Variants in TTN observed in about 807,000 individuals in gnomAD.
The protein encoded by TTN is connectin.
Under a neutral mutation model 3,223.0 loss-of-function variants are expected in TTN, and 1,525 were observed. The ratio of observed to expected loss-of-function variants is 0.47; its 90% CI spans 0.45 to 0.49. The LOEUF (loss-of-function observed/expected upper bound fraction) is 0.49, where lower values mean the gene tolerates loss of function less well. TTN is among the 20% of genes least tolerant of loss of function. The pLI is 0.00. For synonymous variants in TTN, 14,094 were observed against 15,161.0 expected (o/e 0.93, Z 5.17); for missense variants, 40,786 against 43,424.0 (o/e 0.94, Z 5.40).
At chr2:178,745,630 G>T in intron 47 of TTN, 1 of 1,612,736 alleles carries the variant, frequency 6.2e-7, no homozygotes, top group Middle Eastern at 1.7e-4. Context: ...TTCCTGATTT[G>T]TTTGTAGCTA....
At chr2:178,743,775 TA>T (rs1453313654) in intron 47 of TTN, among the ~76,000 whole-genome samples, 1 of 151,994 alleles carries the variant, frequency 6.6e-6, no homozygotes, top group East Asian at 1.9e-4. Context: ...GTTCCTAATC[TA>T]TAGAATTAGT....
intron 113 of TTN, among the ~76,000 whole-genome samples, chr2:178,696,907 C>T (rs1191629357): frequency 6.6e-6 from 1 of 151,924 alleles, no homozygotes; most frequent in Non-Finnish European, 1.5e-5. Flanking sequence ...TCTCTGAGAC[C>T]ATTGCACAGA....
chr2:178,771,402 T>C lies in TTN; in HGVS notation c.7925A>G (p.Glu2642Gly). 6.2e-7 allele frequency: 1 copy of C among 1,614,024 alleles called. No homozygotes were observed. The highest frequency in any genetic ancestry group is 1.1e-5 in the South Asian group (1 of 91,084). ...AESQEAVFEC[E>G]VANPDSKGEW... ...GCCTTTGGAATCTGGGTTGGCAACT[T>C]CACATTCAAACACAGCTTCCTGGGA... is the stretch of plus-strand genomic sequence containing the variant. Residue 2642 changes from glutamate (E) to glycine (G), a missense_variant, in exon 34 of 363, where the codon GAA (glutamate) becomes GGA (glycine). By Grantham distance (98) the Glu-to-Gly change is moderately conservative (BLOSUM62 -2). Coordinates refer to ENST00000589042, the MANE Select transcript of TTN (RefSeq NM_001267550.2).
chr2:178,630,189 A>G, intron 239 of TTN, 52 bp downstream of exon 239: 1 of 1,607,486 alleles, frequency 6.2e-7, no homozygotes, highest in Non-Finnish European at 8.5e-7. Flanking sequence ...ACTCACATTC[A>G]TTTTCTGAAA....
intron 112 of TTN, among the ~76,000 whole-genome samples, chr2:178,697,951 TGCA>T (rs1172022114): frequency 6.6e-6 from 1 of 152,190 alleles, no homozygotes; most frequent in African/African-American, 2.4e-5. Context: ...CCATGTTCAT[TGCA>T]GCATTATTCA....
At chr2:178,748,848 A>ATT in intron 47 of TTN, 2 of 1,612,180 alleles carry the variant, frequency 1.2e-6, no homozygotes, top group Admixed American at 3.3e-5. Flanking sequence ...GTATTTGGAG[A>ATT]CATTTTCTCT....
In TTN at chr2:178,614,296, T is replaced by C; in HGVS notation, c.49101A>G (p.Ser16367=). 1 of 1,612,804 alleles carries C rather than the reference T, an allele frequency of 6.2e-7. No homozygotes were observed. Among genetic ancestry groups the C allele is most frequent in the South Asian group, 1.1e-5 (1 of 91,054 alleles). The part of the protein sequence containing the change: ...AFDITDVTNE[S]CLLTWNPPRD... The stretch of plus-strand genomic sequence containing the variant: ...GTGGTGGGTTCCATGTTAGAAGACA[T>C]GACTCATTGGTTACATCTGTGATGT... Residue 16367 remains serine (S), a synonymous_variant, in exon 262 of 363, where the codon TCA becomes TCG. Transcript: ENST00000589042.
In TTN at chr2:178,800,562, C is replaced by T. The variant is rs780003580; in HGVS notation, c.416G>A (p.Arg139Gln). ...GGAGCTCTGGATTTCGGCTCCATCC[C>T]GGTAGAACTTCACCACAGGTGTAGG... ...GIPTPVVKFY[R>Q]DGAEIQSSLD... The change falls in exon 4 of 363, where the codon CGG becomes CAG. Residue 139 changes from arginine to glutamine, a missense_variant. Coordinates refer to ENST00000589042, the MANE Select transcript of TTN (RefSeq NM_001267550.2). The T allele has an allele frequency of 1.2e-5, 20 of 1,614,114 alleles. No individual in the cohort carries two copies. Among genetic ancestry groups the T allele is most frequent in the East Asian group, 2.2e-5 (1 of 44,878 alleles).
intron 62 of TTN, 39 bp from the exon 63 acceptor site, chr2:178,729,984 A>T (rs2080111845): frequency 3.8e-6 from 6 of 1,599,302 alleles, no homozygotes; most frequent in Non-Finnish European, 5.1e-6. Context: ...GAATATTTTT[A>T]AAAACAGGTC....
rs565276088 is a variant in TTN, at chr2:178,741,028, G to C, written c.12205C>G (p.Gln4069Glu). The C allele has an allele frequency of 6.2e-7, 1 of 1,613,906 alleles. No homozygotes were observed. The highest frequency in any genetic ancestry group is 8.5e-7 in the Non-Finnish European group (1 of 1,179,834). ...TCTTTTACAAACGTTGCAATTTCCT[G>C]CTCTGAGTCAAGTGCTTCAACTGCG... ...GPAVEALDSE[Q>E]EIATFVKDTI... The change falls in exon 48 of 363, where the codon CAG becomes GAG. Residue 4069 changes from glutamine to glutamate, a missense_variant. Coordinates refer to ENST00000589042, the MANE Select transcript of TTN (RefSeq NM_001267550.2).
chr2:178,607,548 C>T lies in TTN; in HGVS notation c.53140G>A (p.Asp17714Asn). 6.2e-7 allele frequency: 1 copy of T among 1,613,166 alleles called. No individual in the cohort carries two copies. Among genetic ancestry groups the T allele is most frequent in the South Asian group, 1.1e-5 (1 of 91,056 alleles). Residue 17714 changes from aspartate to asparagine, a missense_variant, in exon 277 of 363, where the codon GAT becomes AAT. By Grantham distance (23) the Asp-to-Asn change is conservative. Transcript: ENST00000589042. ...TTGTCTATTACAACACGGTCTTTAT[C>T]CAGCTCCCCTTCTTCTTTGGTCCAT... ...KVWTKEEGEL[D>N]KDRVVIDNVG...
intron 266 of TTN, 54 bp downstream of exon 266, chr2:178,612,223 A>G (rs945939071): frequency 6.2e-7 from 1 of 1,603,984 alleles, no homozygotes; most frequent in African/African-American, 1.3e-5. Context: ...CTCCTGTCAC[A>G]AAAATTAAGT....
Position 178,680,295 on chromosome 2 carries a change from T to C in TTN, c.33377A>G (p.Lys11126Arg), listed in dbSNP as rs760742068. The change falls in exon 139 of 363, where the codon AAA (lysine) becomes AGA (arginine). Residue 11126 changes from lysine to arginine, a missense_variant. Transcript: ENST00000589042. ...MKPKRVVAEEKVPVPRKEVAP... is the reference protein window; with the variant it reads ...MKPKRVVAEERVPVPRKEVAP... ...TACTTCTTTTCTAGGGACAGGTACT[T>C]TTTCTTCTGCGACAACCCTCTTGGG... 1.2e-6 allele frequency: 2 copies of C among 1,611,872 alleles called. No homozygotes were observed. Among genetic ancestry groups the C allele is most frequent in the South Asian group, 2.2e-5 (2 of 90,598 alleles).
In TTN at chr2:178,588,910, G is replaced by A. The variant is rs369694001; in HGVS notation, c.62815C>T (p.Arg20939Cys). 8.1e-6 allele frequency: 13 copies of A among 1,612,900 alleles called. No homozygotes were observed. Among genetic ancestry groups the A allele is most frequent in the Non-Finnish European group, 1.1e-5 (13 of 1,179,460 alleles). The change falls in exon 304 of 363, where the codon CGT becomes TGT. Residue 20939 changes from arginine (R) to cysteine (C), a missense_variant. Physicochemically the swap from Arg to Cys is radical, Grantham distance 180 (BLOSUM62 -3). Coordinates refer to ENST00000589042, the MANE Select transcript of TTN (RefSeq NM_001267550.2). Reference protein sequence around the residue: ...IEGNEYIFRVRAENKIGTGPP... With the variant: ...IEGNEYIFRVCAENKIGTGPP... ...CCTGTGCCTATTTTATTTTCTGCACGGACTCTGAAAATATATTCATTTCCT... is the reference window on the plus strand; with the variant it reads ...CCTGTGCCTATTTTATTTTCTGCACAGACTCTGAAAATATATTCATTTCCT...
In TTN at chr2:178,603,975, C is replaced by G; in HGVS notation, c.54712G>C (p.Glu18238Gln). ...GVEFNVPRLL[E>Q]GVKYQFRAMA... ...GCTCTGAACTGGTATTTAACGCCTT[C>G]AAGCAAACGAGGAACATTAAATTCC... The change falls in exon 282 of 363, where the codon GAA becomes CAA. Residue 18238 changes from glutamate to glutamine, a missense_variant. By Grantham distance (29) the Glu-to-Gln change is conservative. Transcript: ENST00000589042. 1 of 1,612,734 alleles carries G rather than the reference C, an allele frequency of 6.2e-7. No homozygotes were observed. The highest frequency in any genetic ancestry group is 1.1e-5 in the South Asian group (1 of 91,018).
At position 178,584,950 on chromosome 2, in the gene TTN, T is replaced by A; in HGVS notation, c.64691A>T (p.Gln21564Leu). 6.2e-7 allele frequency: 1 copy of A among 1,613,196 alleles called. No individual in the cohort carries two copies. The highest frequency in any genetic ancestry group is 8.5e-7 in the Non-Finnish European group (1 of 1,179,510). ...TATATCAGAAATGTCAAATGGAGGC[T>A]GAGGGGGGCCGGGGGCATCTACATG... The part of the protein sequence containing the change: ...VVVMDAPGPP[Q>L]PPFDISDIDA... The change falls in exon 310 of 363, where the codon CAG (glutamine) becomes CTG (leucine). Residue 21564 changes from glutamine (Q) to leucine (L), a missense_variant. Coordinates refer to ENST00000589042, the MANE Select transcript of TTN (RefSeq NM_001267550.2).
intron 151 of TTN, 81 bp from the exon 152 acceptor site, chr2:178,673,791 A>T: frequency 1.0e-6 from 1 of 982,562 alleles, no homozygotes; most frequent in Non-Finnish European, 1.5e-6. Flanking sequence ...AATAAATATC[A>T]CAAAACATTG....
Position 178,715,631 on chromosome 2 carries a change from T to G in TTN, c.25783A>C (p.Lys8595Gln). ...KDETEIQESSKFRMSFVDSVA... is the reference protein window; with the variant it reads ...KDETEIQESSQFRMSFVDSVA... Reference sequence around the variant, plus strand: ...GAGTCAACGAATGACATTCTGAATTTACTGCTCTCTTGAATTTCAGTCTCG... The same window carrying G: ...GAGTCAACGAATGACATTCTGAATTGACTGCTCTCTTGAATTTCAGTCTCG... The change falls in exon 89 of 363, where the codon AAA (lysine) becomes CAA (glutamine). Residue 8595 changes from lysine to glutamine, a missense_variant. By Grantham distance (53) the Lys-to-Gln change is moderately conservative (BLOSUM62 1). Coordinates refer to ENST00000589042, the MANE Select transcript of TTN (RefSeq NM_001267550.2). The G allele has an allele frequency of 1.2e-6, 2 of 1,613,644 alleles. No homozygotes were observed. The highest frequency in any genetic ancestry group is 3.3e-5 in the Admixed American group (2 of 59,972).
intron 47 of TTN, chr2:178,746,738 G>C (rs763306606): frequency 4.3e-6 from 7 of 1,613,332 alleles, no homozygotes; most frequent in Non-Finnish European, 5.1e-6. Context: ...CTCTAGTAAA[G>C]ATTTATTTCG....
Sources: allele counts gnomAD v4.1 joint callset (sites outside exome capture counted in the v4.1 genomes callset), GRCh38; gene constraint gnomAD v4.1.1; transcripts MANE v1.5; gene names NCBI Gene and HGNC (gene_info 2026-07-23, HGNC 2026-07-21).